SAMD5: variants seen among roughly 807,000 people sequenced by gnomAD.
SAMD5 encodes the protein sterile alpha motif domain-containing protein 5.
A neutral mutation model predicts 11.3 loss-of-function variants in SAMD5; 13 were observed. The ratio of observed to expected loss-of-function variants is 1.15; its 90% CI spans 0.75 to 1.83. The LOEUF (loss-of-function observed/expected upper bound fraction) is 1.83, where lower values mean the gene tolerates loss of function less well. SAMD5 is among the 40% of genes most tolerant of loss of function. The pLI is 0.00. For missense variants in SAMD5, 255 were observed against 239.1 expected (o/e 1.07, Z -0.44); for synonymous variants, 129 against 111.3 (o/e 1.16, Z -1.00).
At position 147,567,783 on chromosome 6, in the gene SAMD5, A is replaced by G; in HGVS notation, c.*3327A>G. The G allele has an allele frequency of 1.0e-6, 1 of 985,334 alleles. No individual in the cohort carries two copies. The highest frequency in any genetic ancestry group is 1.2e-6 in the Non-Finnish European group (1 of 829,880). 61.0% of individuals were successfully genotyped at this position (985,334 alleles called of 1,614,324 possible). On this transcript the variant is annotated 3_prime_UTR_variant, in exon 2 of 2. Transcript: ENST00000367474. ...AAACCCACTGAATAAGTCCCCTTTG[A>G]TTTCTCTCAGGAAGGATAAAAAAGG...
At chr6:147,918,132 C>A in the SAMD5 span, among the ~76,000 whole-genome samples, 1 of 152,082 alleles carries the variant, frequency 6.6e-6, no homozygotes, top group African/African-American at 2.4e-5. Context: ...GGCATTGAAT[C>A]AATCTATAAA....
At chr6:147,782,792 G>A in the SAMD5 span, among the ~76,000 whole-genome samples, 1 of 152,148 alleles carries the variant, frequency 6.6e-6, no homozygotes, top group African/African-American at 2.4e-5. Flanking sequence ...TTAAAATCTT[G>A]ATCCACAAAA....
At chr6:147,823,460 A>C in the SAMD5 span, among the ~76,000 whole-genome samples, 17 of 152,176 alleles carry the variant, frequency 1.1e-4, no homozygotes, top group Admixed American at 7.9e-4. Flanking sequence ...AAATCTAAAA[A>C]TATAATTGCA....
chr6:147,566,146 T>C lies in SAMD5; in HGVS notation c.*1690T>C, dbSNP rs1478642560. On this transcript the variant is annotated 3_prime_UTR_variant, in exon 2 of 2. Coordinates refer to ENST00000367474, the MANE Select transcript of SAMD5 (RefSeq NM_001030060.3). ...AAATAGTTTAGCTATTTCTGTAGGT[T>C]AATTCAGGCACTGACTAAAATCAGT... is the stretch of plus-strand genomic sequence containing the variant. The C allele has an allele frequency of 1.0e-6, 1 of 981,758 alleles. No homozygotes were observed. The highest frequency in any genetic ancestry group is 1.7e-5 in the African/African-American group (1 of 57,168). 60.8% of individuals were successfully genotyped at this position (981,758 alleles called of 1,614,324 possible). A position where few individuals can be genotyped will look rare whatever the true frequency, so the allele number is the denominator to read the frequency against.
chr6:147,884,358 G>A, the SAMD5 span, among the ~76,000 whole-genome samples: 2 of 152,180 alleles, frequency 1.3e-5, no homozygotes, highest in Admixed American at 1.3e-4. Flanking sequence ...AGCTAAGGCA[G>A]CCCCAGGTTG....
the SAMD5 span, among the ~76,000 whole-genome samples, chr6:147,818,695 C>T: frequency 1.8e-3 from 272 of 152,250 alleles, 1 homozygote; most frequent in Non-Finnish European, 1.3e-3. Flanking sequence ...ATATCCACAA[C>T]GCCAATGGCC....
intron 1 of SAMD5, among the ~76,000 whole-genome samples, chr6:147,647,413 G>A (rs1157567288): frequency 1.3e-5 from 2 of 151,954 alleles, no homozygotes; most frequent in East Asian, 3.9e-4. Flanking sequence ...TTTGGAGCTT[G>A]AAAGAGGGGG....
the SAMD5 span, among the ~76,000 whole-genome samples, chr6:147,868,553 C>A: frequency 6.6e-6 from 1 of 152,034 alleles, no homozygotes; most frequent in African/African-American, 2.4e-5. Context: ...GTTCAAATTC[C>A]CCAGATGGCA....
rs1298801215 is a variant in SAMD5, at chr6:147,564,727, T to C, written c.*271T>C. On this transcript the variant is annotated 3_prime_UTR_variant, in exon 2 of 2. Transcript: ENST00000367474. ...GATATCATGATGAGATACAGTCTTA[T>C]GCATTTCTTGGCATTCTCCCTTCCA... The C allele has an allele frequency of 4.5e-6, 5 of 1,100,722 alleles. No individual in the cohort carries two copies. In the African/African-American group the frequency reaches 6.6e-5, roughly 15 times the overall value. 68.2% of individuals were successfully genotyped at this position (1,100,722 alleles called of 1,614,324 possible). A position where few individuals can be genotyped will look rare whatever the true frequency, so the allele number is the denominator to read the frequency against.
the SAMD5 span, among the ~76,000 whole-genome samples, chr6:147,896,136 A>AT: frequency 6.6e-6 from 1 of 152,048 alleles, no homozygotes; most frequent in Admixed American, 6.5e-5. Flanking sequence ...GAACTTTGCT[A>AT]TTTTCCTGTT....
chr6:147,818,825 C>T, the SAMD5 span, among the ~76,000 whole-genome samples: 1 of 152,174 alleles, frequency 6.6e-6, no homozygotes. Context: ...ACAGTTACCC[C>T]TTGTGACCCT....
chr6:147,615,634 C>T (rs530156630), intron 1 of SAMD5, among the ~76,000 whole-genome samples: 13 of 151,944 alleles, frequency 8.6e-5, no homozygotes, highest in Non-Finnish European at 1.3e-4. Flanking sequence ...TTATAAAAGC[C>T]CTCCAGAAAT....
chr6:147,575,148 A>G (rs890254676), intron 1 of SAMD5, among the ~76,000 whole-genome samples: 1 of 152,236 alleles, frequency 6.6e-6, no homozygotes, highest in East Asian at 1.9e-4. Flanking sequence ...AGGTAATTCT[A>G]TAGGACTTTT....
At chr6:147,859,486 T>C in the SAMD5 span, among the ~76,000 whole-genome samples, 1 of 152,182 alleles carries the variant, frequency 6.6e-6, no homozygotes, top group African/African-American at 2.4e-5. Flanking sequence ...AAAGATAGAA[T>C]AGAGATGATG....
intron 1 of SAMD5, among the ~76,000 whole-genome samples, chr6:147,518,796 GT>G (rs1337010517): frequency 6.6e-6 from 1 of 152,192 alleles, no homozygotes; most frequent in East Asian, 1.9e-4. Flanking sequence ...GTTTTTATCA[GT>G]GATTTTCTAA....
At chr6:147,592,140 A>G (rs11970232) in intron 1 of SAMD5, among the ~76,000 whole-genome samples, 8,480 of 152,110 alleles carry the variant, frequency 0.056, 699 homozygotes, top group African/African-American at 0.18. Flanking sequence ...GACATGTACC[A>G]CCACACCCAG....
At chr6:147,713,433 G>C (rs1438290124) in intron 1 of SAMD5, among the ~76,000 whole-genome samples, 1 of 152,102 alleles carries the variant, frequency 6.6e-6, no homozygotes, top group East Asian at 1.9e-4. Flanking sequence ...CATAACCTGG[G>C]TTGTTCTGGA....
chr6:147,560,975 G>GGGGA (rs1788938627), intron 1 of SAMD5, among the ~76,000 whole-genome samples: 2 of 152,272 alleles, frequency 1.3e-5, no homozygotes, highest in Non-Finnish European at 2.9e-5. Context: ...AAAGTCAAAG[G>GGGGA]GGGAGAATAG....
rs1025467943 is a variant in SAMD5, at chr6:147,605,295, G to T, written c.162+95908G>T. 3.9e-5 allele frequency among the ~76,000 whole-genome samples: 6 copies of T among 152,070 alleles called. 1 individual carries two copies. The East Asian group carries it at 1.2e-3, about 29-fold the overall frequency. ...ACCTGATTAATTTTTACATATTTTT[G>T]TAGAGATGGGGGTCTCACTCTGTTG... is the stretch of plus-strand genomic sequence containing the variant. On this transcript the variant is annotated intron_variant, in intron 1 of 1. Transcript: ENST00000566741.
Sources: allele counts gnomAD v4.1 joint callset (sites outside exome capture counted in the v4.1 genomes callset), GRCh38; gene constraint gnomAD v4.1.1; transcripts MANE v1.5; gene names NCBI Gene and HGNC (gene_info 2026-07-23, HGNC 2026-07-21).